Variants in SLC37A3 observed in about 807,000 individuals in gnomAD.
SLC37A3 encodes the protein solute carrier family 37 member 3, also known as sugar phosphate exchanger 3.
A neutral mutation model predicts 67.1 loss-of-function variants in SLC37A3; 51 were observed. The observed-to-expected ratio is 0.76, with a 90% CI of 0.61 to 0.96. The LOEUF is 0.96. Among genes scored for constraint, SLC37A3 ranks in the 40% least tolerant of loss-of-function variants. SLC37A3 has a pLI of 0.00. For synonymous variants in SLC37A3, 214 were observed against 231.4 expected, an observed-to-expected ratio of 0.92 and a Z score of 0.68; for missense variants, 508 against 603.0, an observed-to-expected ratio of 0.84 and a Z score of 1.65.
At chr7:140,376,563 CTG>C (rs1390300270) in intron 3 of SLC37A3, among the ~76,000 whole-genome samples, 1 of 152,144 alleles carries the variant, frequency 6.6e-6, no homozygotes, top group Non-Finnish European at 1.5e-5. Context: ...CTAAAGTTCC[CTG>C]TGTGAGTTTC....
intron 1 of SLC37A3, among the ~76,000 whole-genome samples, chr7:140,392,969 G>A (rs1798778417): frequency 6.6e-6 from 1 of 152,084 alleles, no homozygotes; most frequent in African/African-American, 2.4e-5. Flanking sequence ...GCATGCGCCT[G>A]TAATCCCAGC....
intron 6 of SLC37A3, among the ~76,000 whole-genome samples, chr7:140,358,128 C>A (rs745611916): frequency 6.6e-6 from 1 of 152,022 alleles, no homozygotes. Flanking sequence ...AAAAATACCC[C>A]ATTTGATCAA....
In SLC37A3 at chr7:140,361,783, C is replaced by G. The variant is rs368659728; in HGVS notation, c.375+2625G>C. Among the ~76,000 whole-genome samples the G allele has an allele frequency of 1.4e-4, 21 of 145,928 alleles. No homozygotes were observed. In the East Asian group the frequency reaches 1.4e-3, roughly 10 times the overall value. ...GCCGGGCTGGTCTCCAGCTCCTAAC[C>G]GCGAGTGATCCGCCAGCCTCGGCCT... On this transcript the variant is annotated intron_variant, in intron 5 of 14. Transcript: ENST00000326232.
At chr7:140,358,183 T>C (rs1156656765) in intron 6 of SLC37A3, among the ~76,000 whole-genome samples, 1 of 152,170 alleles carries the variant, frequency 6.6e-6, no homozygotes, top group African/African-American at 2.4e-5. Context: ...TTAGAGCCCT[T>C]GTTACATGAC....
At chr7:140,335,549 CT>C in intron 14 of SLC37A3, 45 bp from the exon 15 acceptor site, 1 of 1,595,950 alleles carries the variant, frequency 6.3e-7, no homozygotes, top group Non-Finnish European at 8.5e-7. Context: ...CAGTTTACTT[CT>C]GTTAGAGTGT....
At chr7:140,351,949 T>C (rs1347522298) in intron 8 of SLC37A3, 113 bp downstream of exon 8, 3 of 1,073,528 alleles carry the variant, frequency 2.8e-6, no homozygotes, top group East Asian at 5.2e-5. Flanking sequence ...TTTCACTCAC[T>C]AAAAGGAGCT....
chr7:140,352,011 T>G, intron 8 of SLC37A3, 51 bp downstream of exon 8: 3 of 1,539,842 alleles, frequency 1.9e-6, no homozygotes, highest in Non-Finnish European at 2.7e-6. Context: ...CAGATTTCCT[T>G]TCGGCCATAA....
chr7:140,357,564 GAAAAA>G (rs146188700), intron 6 of SLC37A3, among the ~76,000 whole-genome samples: 1 of 118,670 alleles, frequency 8.4e-6, no homozygotes, highest in African/African-American at 3.2e-5. Flanking sequence ...TTCTCTACAG[GAAAAA>G]AAAAAAAAAA....
intron 3 of SLC37A3, among the ~76,000 whole-genome samples, chr7:140,372,736 G>A (rs759231717): frequency 2.6e-5 from 4 of 151,772 alleles, no homozygotes; most frequent in African/African-American, 7.3e-5. Flanking sequence ...GGTGGTGGGC[G>A]CCTGTAATCC....
intron 10 of SLC37A3, among the ~76,000 whole-genome samples, chr7:140,347,837 T>G (rs1252327779): frequency 6.6e-6 from 1 of 152,138 alleles, no homozygotes; most frequent in East Asian, 1.9e-4. Flanking sequence ...TAATCCCTGC[T>G]GTTACGTCTA....
At chr7:140,373,095 G>A (rs973043074) in intron 3 of SLC37A3, among the ~76,000 whole-genome samples, 2 of 152,044 alleles carry the variant, frequency 1.3e-5, no homozygotes, top group African/African-American at 4.8e-5. Flanking sequence ...GGGACTACAG[G>A]CACATGCCAC....
At chr7:140,396,893 TG>T (rs66948426) in intron 1 of SLC37A3, among the ~76,000 whole-genome samples, 2,751 of 54,760 alleles carry the variant, frequency 0.05, 90 homozygotes, top group Non-Finnish European at 0.065. Flanking sequence ...TTTTTTTTTT[TG>T]TTTTTTTTTT....
intron 1 of SLC37A3, among the ~76,000 whole-genome samples, chr7:140,396,895 T>TTG (rs1554438210): frequency 2.8e-4 from 9 of 32,396 alleles, no homozygotes; most frequent in African/African-American, 6.9e-4. Context: ...TTTTTTTTTG[T>TTG]TTTTTTTTTT....
chr7:140,382,787 A>G (rs1363693724), intron 1 of SLC37A3, among the ~76,000 whole-genome samples, 191 bp from the exon 2 acceptor site: 1 of 151,494 alleles, frequency 6.6e-6, no homozygotes, highest in East Asian at 1.9e-4. Flanking sequence ...AAAAAAAAAA[A>G]TCCTGGACAA....
intron 1 of SLC37A3, among the ~76,000 whole-genome samples, chr7:140,385,144 A>G (rs1798401949): frequency 6.6e-6 from 1 of 152,252 alleles, no homozygotes; most frequent in African/African-American, 2.4e-5. Context: ...TGTAAGGCTA[A>G]AAGTAACAAT....
chr7:140,341,487 G>T (rs777515881), intron 13 of SLC37A3, among the ~76,000 whole-genome samples: 1 of 152,126 alleles, frequency 6.6e-6, no homozygotes, highest in East Asian at 1.9e-4. Context: ...AGGGAAAGAC[G>T]GGGTAACAAA....
chr7:140,396,205 A>G (rs1183119132), intron 1 of SLC37A3, among the ~76,000 whole-genome samples: 1 of 152,022 alleles, frequency 6.6e-6, no homozygotes, highest in Non-Finnish European at 1.5e-5. Flanking sequence ...GTTTTTGTAG[A>G]AACAGGGTCT....
At chr7:140,337,179 G>T in intron 14 of SLC37A3, 105 bp downstream of exon 14, 3 of 654,588 alleles carry the variant, frequency 4.6e-6, no homozygotes, top group Non-Finnish European at 7.2e-6. Flanking sequence ...TCACAAAGGA[G>T]CCTTTAAAAG....
intron 13 of SLC37A3, among the ~76,000 whole-genome samples, chr7:140,339,347 G>A (rs1210533246): frequency 2.2e-5 from 3 of 137,892 alleles, no homozygotes; most frequent in African/African-American, 5.5e-5. Context: ...TGCAACCTCC[G>A]CCTCCCAGGT....
Sources: allele counts gnomAD v4.1 joint callset (sites outside exome capture counted in the v4.1 genomes callset), GRCh38; gene constraint gnomAD v4.1.1; transcripts MANE v1.5; gene names NCBI Gene and HGNC (gene_info 2026-07-23, HGNC 2026-07-21).